ITGBL1: variants seen among roughly 807,000 people sequenced by gnomAD.
ITGBL1 encodes integrin beta-like protein 1.
Under a neutral mutation model 68.5 loss-of-function variants are expected in ITGBL1, and 51 were observed. The observed-to-expected ratio is 0.74, with a 90% CI of 0.59 to 0.94. ITGBL1 has a LOEUF of 0.94. ITGBL1 is among the 40% of genes least tolerant of loss of function. The probability of loss-of-function intolerance (pLI) is 0.00; values close to 1 mark genes in which losing one functional copy is unlikely to be tolerated. For synonymous variants in ITGBL1, 209 were observed against 227.3 expected (o/e 0.92, Z 0.72); for missense variants, 649 against 647.4 (o/e 1.00, Z -0.03).
At chr13:101,539,953 C>T (rs1370032800) in intron 2 of ITGBL1, among the ~76,000 whole-genome samples, 2 of 152,048 alleles carry the variant, frequency 1.3e-5, no homozygotes, top group Admixed American at 6.5e-5. Context: ...TGGATATTAG[C>T]CCTTTGTCAG....
chr13:101,622,915 A>ATGTGTGTGTGTGTGTGTGTG (rs59267168), intron 7 of ITGBL1, among the ~76,000 whole-genome samples: 7 of 148,514 alleles, frequency 4.7e-5, no homozygotes, highest in African/African-American at 1.7e-4. Flanking sequence ...TGGGGTATGT[A>ATGTGTGTGTGTGTGTGTGTG]TGTGTGTGTG....
At chr13:101,501,787 C>T (rs2048947033) in intron 2 of ITGBL1, among the ~76,000 whole-genome samples, 1 of 152,158 alleles carries the variant, frequency 6.6e-6, no homozygotes, top group Non-Finnish European at 1.5e-5. Context: ...AGCACATCTC[C>T]AAGGTCTGTC....
intron 8 of ITGBL1, among the ~76,000 whole-genome samples, chr13:101,704,578 G>A (rs910458737): frequency 1.4e-4 from 21 of 151,308 alleles, no homozygotes; most frequent in Non-Finnish European, 2.1e-4. Context: ...CAATAGAGAA[G>A]AGACTTGCAA....
At chr13:101,495,152 C>G (rs1787341517) in intron 2 of ITGBL1, among the ~76,000 whole-genome samples, 1 of 152,152 alleles carries the variant, frequency 6.6e-6, no homozygotes, top group African/African-American at 2.4e-5. Context: ...GTAGTTTACT[C>G]TATATTCCAA....
chr13:101,666,754 G>C (rs2033229078), intron 7 of ITGBL1, among the ~76,000 whole-genome samples: 1 of 152,146 alleles, frequency 6.6e-6, no homozygotes, highest in Non-Finnish European at 1.5e-5. Context: ...AAAGTCACTA[G>C]AGCAGTCACC....
At chr13:101,562,695 G>T (rs1463835491) in intron 2 of ITGBL1, among the ~76,000 whole-genome samples, 8 of 151,710 alleles carry the variant, frequency 5.3e-5, no homozygotes, top group African/African-American at 1.9e-4. Context: ...GACTGAAAGG[G>T]GAAAAAATCC....
At chr13:101,604,877 T>TCC (rs2030616386) in intron 7 of ITGBL1, among the ~76,000 whole-genome samples, 1 of 21,692 alleles carries the variant, frequency 4.6e-5, no homozygotes, top group South Asian at 3.0e-3. Context: ...TATATATATA[T>TCC]ATATATATAT....
At chr13:101,463,103 A>T (rs373659797) in intron 2 of ITGBL1, among the ~76,000 whole-genome samples, 7 of 152,290 alleles carry the variant, frequency 4.6e-5, no homozygotes, top group Admixed American at 6.5e-5. Flanking sequence ...CCAAACACAT[A>T]TGAGTGATTA....
chr13:101,610,130 A>G (rs761946047), intron 7 of ITGBL1, among the ~76,000 whole-genome samples: 22 of 152,154 alleles, frequency 1.4e-4, no homozygotes, highest in Non-Finnish European at 2.8e-4. Flanking sequence ...ATGATTATAT[A>G]TTTATTTCTA....
chr13:101,700,621 A>ATT (rs74404486), intron 8 of ITGBL1, among the ~76,000 whole-genome samples: 16 of 151,992 alleles, frequency 1.1e-4, no homozygotes, highest in African/African-American at 2.4e-4. Context: ...ATAAATTTAG[A>ATT]TTTTTTTTAC....
intron 2 of ITGBL1, among the ~76,000 whole-genome samples, chr13:101,475,141 C>G (rs1566690924): frequency 1.3e-5 from 2 of 151,980 alleles, no homozygotes; most frequent in Admixed American, 6.6e-5. Context: ...TGTGACCTGT[C>G]AAAGATAATT....
At chr13:101,471,714 G>A (rs2048463506) in intron 2 of ITGBL1, among the ~76,000 whole-genome samples, 1 of 152,094 alleles carries the variant, frequency 6.6e-6, no homozygotes, top group Non-Finnish European at 1.5e-5. Context: ...GATCACAGGA[G>A]CACTAGAAAG....
At chr13:101,638,553 G>A (rs945854188) in intron 7 of ITGBL1, among the ~76,000 whole-genome samples, 1 of 152,204 alleles carries the variant, frequency 6.6e-6, no homozygotes, top group African/African-American at 2.4e-5. Context: ...CATGGCTGGA[G>A]AGGCCTCACA....
At chr13:101,539,087 A>T (rs2049636024) in intron 2 of ITGBL1, among the ~76,000 whole-genome samples, 1 of 120,942 alleles carries the variant, frequency 8.3e-6, no homozygotes. Flanking sequence ...GTTTTAGGGT[A>T]CATGTGCACA....
chr13:101,657,464 T>A (rs543657413), intron 7 of ITGBL1, among the ~76,000 whole-genome samples: 120 of 152,290 alleles, frequency 7.9e-4, no homozygotes, highest in Non-Finnish European at 1.3e-3. Context: ...ACATTTTCTT[T>A]AAAACTCCTT....
At chr13:101,593,249 TAAAA>T (rs56261424) in intron 6 of ITGBL1, among the ~76,000 whole-genome samples, 71,870 of 151,164 alleles carry the variant, frequency 0.48, 17,160 homozygotes, top group African/African-American at 0.54. Flanking sequence ...AGAATTATAA[TAAAA>T]AAAGACAAAA....
chr13:101,510,883 T>G (rs2049105067), intron 2 of ITGBL1, among the ~76,000 whole-genome samples: 1 of 152,176 alleles, frequency 6.6e-6, no homozygotes, highest in Non-Finnish European at 1.5e-5. Context: ...TTCCTATAGA[T>G]TCTCGATATG....
intron 7 of ITGBL1, among the ~76,000 whole-genome samples, chr13:101,610,517 A>G (rs1174498718): frequency 1.3e-5 from 2 of 152,206 alleles, no homozygotes; most frequent in African/African-American, 4.8e-5. Flanking sequence ...GCTTATCATA[A>G]TCAATCTAAT....
intron 2 of ITGBL1, among the ~76,000 whole-genome samples, chr13:101,489,425 C>T (rs1043323183): frequency 6.6e-6 from 1 of 152,122 alleles, no homozygotes; most frequent in Admixed American, 6.6e-5. Flanking sequence ...ACAGTTTTCA[C>T]CTCAGCACAC....
Sources: allele counts gnomAD v4.1 joint callset (sites outside exome capture counted in the v4.1 genomes callset), GRCh38; gene constraint gnomAD v4.1.1; transcripts MANE v1.5; gene names NCBI Gene and HGNC (gene_info 2026-07-23, HGNC 2026-07-21).